Variants in ZNF714 observed in about 807,000 individuals in gnomAD.
ZNF714 encodes zinc finger protein 714.
ZNF714 carries 32 observed loss-of-function variants against 46.2 expected under a neutral mutation model. That is an observed-to-expected ratio of 0.69 (90% CI 0.52 to 0.93). ZNF714 has a LOEUF of 0.93. Ranked by LOEUF, ZNF714 falls within the 40% of genes least tolerant of loss-of-function variation. The pLI is 0.00. For synonymous variants in ZNF714, 199 were observed against 213.1 expected (o/e 0.93, Z 0.58); for missense variants, 635 against 646.3 (o/e 0.98, Z 0.19).
At position 21,118,699 on chromosome 19, in the gene ZNF714, C is replaced by A; in HGVS notation, c.*367C>A. ...AAAACATGGCAAAGCCTTTAACAAG[C>A]CCTCAATTCTTAACAGACATAACAT... On this transcript the variant is annotated 3_prime_UTR_variant, in exon 5 of 5. Coordinates refer to ENST00000456283, the MANE Select transcript of ZNF714 (RefSeq NM_182515.4). 4.9e-6 allele frequency: 1 copy of A among 205,842 alleles called. No homozygotes were observed. The allele number at this position is 205,842 out of a possible 1,614,324, so 12.8% of individuals were successfully genotyped here. A position where few individuals can be genotyped will look rare whatever the true frequency, so the allele number is the denominator to read the frequency against.
At position 21,098,044 on chromosome 19, in the gene ZNF714, T is replaced by C; in HGVS notation, c.-84-141T>C. ...AATACATTAGAGAATATTTCTGTGT[T>C]AAAAATTATTGGATAATTTCAGTTA... On this transcript the variant is annotated intron_variant, in intron 2 of 4. Transcript: ENST00000456283. The C allele has an allele frequency of 2.4e-6, 3 of 1,266,240 alleles. No individual in the cohort carries two copies. In the South Asian group the frequency reaches 5.2e-5, roughly 22 times the overall value. 78.4% of individuals were successfully genotyped at this position (1,266,240 alleles called of 1,614,324 possible).
intron 2 of ZNF714, among the ~76,000 whole-genome samples, chr19:21,096,395 AAG>A (rs978504297): frequency 2.6e-5 from 4 of 152,178 alleles, no homozygotes; most frequent in Non-Finnish European, 5.9e-5. Context: ...GAGGAGGAGA[AAG>A]AGGAAAAATG....
chr19:21,106,154 C>T (rs926271593), intron 4 of ZNF714, among the ~76,000 whole-genome samples: 1 of 151,984 alleles, frequency 6.6e-6, no homozygotes, highest in African/African-American at 2.4e-5. Flanking sequence ...ACTTGGGAAC[C>T]TGAGGCAGGA....
chr19:21,094,856 T>C (rs1375325713), intron 2 of ZNF714, among the ~76,000 whole-genome samples: 1 of 152,166 alleles, frequency 6.6e-6, no homozygotes, highest in Non-Finnish European at 1.5e-5. Flanking sequence ...TGTGAGATGG[T>C]GTCTCATTGT....
intron 4 of ZNF714, among the ~76,000 whole-genome samples, chr19:21,103,681 A>G (rs1969241319): frequency 6.6e-6 from 1 of 152,190 alleles, no homozygotes; most frequent in Non-Finnish European, 1.5e-5. Context: ...AGGCCAAGAC[A>G]GGAGTATCAT....
intron 2 of ZNF714, among the ~76,000 whole-genome samples, chr19:21,085,383 A>G (rs978078191): frequency 6.6e-6 from 1 of 152,220 alleles, no homozygotes; most frequent in African/African-American, 2.4e-5. Flanking sequence ...CTAATTGTTT[A>G]CTACATGATT....
At chr19:21,093,372 AC>A (rs1196291333) in intron 2 of ZNF714, among the ~76,000 whole-genome samples, 4 of 151,918 alleles carry the variant, frequency 2.6e-5, no homozygotes, top group Non-Finnish European at 5.9e-5. Flanking sequence ...AGCTGGGATT[AC>A]AGGCATGCGC....
chr19:21,091,312 T>C (rs1968903861), intron 2 of ZNF714: 1 of 152,172 alleles, frequency 6.6e-6, no homozygotes, highest in African/African-American at 2.4e-5. Flanking sequence ...CATGTTAATT[T>C]TGGTGGGTTT....
intron 4 of ZNF714, among the ~76,000 whole-genome samples, chr19:21,108,867 T>G (rs1240986499): frequency 6.6e-6 from 1 of 152,224 alleles, no homozygotes; most frequent in Non-Finnish European, 1.5e-5. Context: ...TTGCTATGTA[T>G]TTCTTGCTTC....
chr19:21,113,664 G>T (rs1004276347), intron 4 of ZNF714, among the ~76,000 whole-genome samples: 1 of 151,636 alleles, frequency 6.6e-6, no homozygotes, highest in Non-Finnish European at 1.5e-5. Flanking sequence ...ATACTGCCAC[G>T]CCTGGCTAAT....
At chr19:21,111,435 C>T (rs1969447365) in intron 4 of ZNF714, among the ~76,000 whole-genome samples, 1 of 152,002 alleles carries the variant, frequency 6.6e-6, no homozygotes. Flanking sequence ...TGAGACTTTG[C>T]TGAAGTTGCT....
At chr19:21,114,333 G>A (rs1969536604) in intron 4 of ZNF714, among the ~76,000 whole-genome samples, 1 of 151,730 alleles carries the variant, frequency 6.6e-6, no homozygotes, top group Admixed American at 6.6e-5. Context: ...CTACTTGGGA[G>A]GCTGAGGCGG....
chr19:21,102,977 G>A (rs925642628), intron 4 of ZNF714, among the ~76,000 whole-genome samples: 3 of 151,770 alleles, frequency 2.0e-5, no homozygotes, highest in African/African-American at 4.8e-5. Flanking sequence ...TATCACAATC[G>A]GATTATATAT....
Position 21,118,084 on chromosome 19 carries a change from A to T in ZNF714, c.1420A>T (p.Ile474Phe). ...RSSNLTKHNI[I>F]HTGEKSYKCE... ...CTCAAACCTTACTAAACATAACATAATTCATACTGGAGAGAAATCTTACAA... is the reference window on the plus strand; with the variant it reads ...CTCAAACCTTACTAAACATAACATATTTCATACTGGAGAGAAATCTTACAA... The change falls in exon 5 of 5, where the codon ATT becomes TTT. Residue 474 changes from isoleucine (I) to phenylalanine (F), a missense_variant. Physicochemically the swap from Ile to Phe is conservative, Grantham distance 21 (BLOSUM62 0). Coordinates refer to ENST00000456283, the MANE Select transcript of ZNF714 (RefSeq NM_182515.4). The T allele has an allele frequency of 6.2e-7, 1 of 1,613,984 alleles. No individual in the cohort carries two copies. Among genetic ancestry groups the T allele is most frequent in the African/African-American group, 1.3e-5 (1 of 75,040 alleles).
At chr19:21,107,158 A>G (rs904933535) in intron 4 of ZNF714, among the ~76,000 whole-genome samples, 1 of 152,070 alleles carries the variant, frequency 6.6e-6, no homozygotes, top group Non-Finnish European at 1.5e-5. Flanking sequence ...AAAATTTGGA[A>G]GTATAATACC....
chr19:21,111,335 G>A (rs1421659812), intron 4 of ZNF714, among the ~76,000 whole-genome samples: 1 of 152,114 alleles, frequency 6.6e-6, no homozygotes, highest in East Asian at 1.9e-4. Flanking sequence ...TAGCAGTTGT[G>A]AATGGGAGTT....
chr19:21,100,758 T>C (rs867692559), intron 4 of ZNF714, among the ~76,000 whole-genome samples: 18 of 152,146 alleles, frequency 1.2e-4, no homozygotes, highest in African/African-American at 4.3e-4. Flanking sequence ...TCACCCAGGC[T>C]GGAGTGCAAT....
rs113302226 is a variant in ZNF714, at chr19:21,099,240, G to C, written c.142+330G>C. On this transcript the variant is annotated intron_variant, in intron 4 of 4. Transcript: ENST00000456283. ...GTTGCCCAGGCTGGATTGCAGTAGCGTGATCTCAACTCACTGCAACCTGTG... is the reference window on the plus strand; with the variant it reads ...GTTGCCCAGGCTGGATTGCAGTAGCCTGATCTCAACTCACTGCAACCTGTG... Among the ~76,000 whole-genome samples, 11 of 152,070 alleles carry C rather than the reference G, an allele frequency of 7.2e-5. No individual in the cohort carries two copies. In the East Asian group the frequency reaches 1.9e-3, roughly 27 times the overall value.
chr19:21,100,075 C>T (rs557017372), intron 4 of ZNF714, among the ~76,000 whole-genome samples: 88 of 152,134 alleles, frequency 5.8e-4, no homozygotes, highest in African/African-American at 1.2e-3. Context: ...AGGCTGGTCT[C>T]GATCTCCTGA....
Sources: allele counts gnomAD v4.1 joint callset (sites outside exome capture counted in the v4.1 genomes callset), GRCh38; gene constraint gnomAD v4.1.1; transcripts MANE v1.5; gene names NCBI Gene and HGNC (gene_info 2026-07-23, HGNC 2026-07-21).